CRAMP1: variants seen among roughly 807,000 people sequenced by gnomAD.
CRAMP1 encodes protein cramped-like.
Under a neutral mutation model 115.4 loss-of-function variants are expected in CRAMP1, and 50 were observed. That is an observed-to-expected ratio of 0.43 (90% CI 0.35 to 0.55). The LOEUF is 0.55. Among genes scored for constraint, CRAMP1 ranks in the 20% least tolerant of loss-of-function variants. The pLI is 0.01. For missense variants in CRAMP1, 1,679 were observed against 1,721.7 expected (o/e 0.98, Z 0.44); for synonymous variants, 866 against 745.4 (o/e 1.16, Z -2.64).
rs1006493409 is a variant in CRAMP1 at position 1,672,284 on chromosome 16, C to T, written c.3645+1475C>T. Among the ~76,000 whole-genome samples the T allele has an allele frequency of 2.6e-5, 4 of 152,152 alleles. No homozygotes were observed. Among genetic ancestry groups the T allele is most frequent in the East Asian group, 1.9e-4 (1 of 5,198 alleles). On this transcript the variant is annotated intron_variant, in intron 20 of 20. Transcript: ENST00000397412. This position sits in a 1 kb window ranked among gnomAD's most constrained non-coding sequence, Gnocchi z 4.9. ...CAGTTAGTATTTGTGAAACGCTGCC[C>T]GTCGCGAGTAATGCAAACGTGTTCA...
At position 1,671,411 on chromosome 16, in the gene CRAMP1, C is replaced by T. The variant is rs544418369; in HGVS notation, c.3645+602C>T. Among the ~76,000 whole-genome samples, 3 of 152,278 alleles carry T rather than the reference C, an allele frequency of 2.0e-5. No individual in the cohort carries two copies. The highest frequency in any genetic ancestry group is 1.3e-4 in the Admixed American group (2 of 15,300). On this transcript the variant is annotated intron_variant, in intron 20 of 20. Transcript: ENST00000397412. This position sits in a 1 kb window ranked among gnomAD's most constrained non-coding sequence, Gnocchi z 5.0. ...TCCACTTTTGACGAGATGCAGCGTC[C>T]CTCTTTGTTGGCCAGGCCATCTGGT...
chr16:1,619,169 G>A (rs545260481), intron 2 of CRAMP1, among the ~76,000 whole-genome samples: 1 of 152,146 alleles, frequency 6.6e-6, no homozygotes, highest in African/African-American at 2.4e-5. Flanking sequence ...ACAACAGCGG[G>A]GTTTTGTTTT....
At chr16:1,649,904 C>T (rs1050027918) in intron 6 of CRAMP1, among the ~76,000 whole-genome samples, 1 of 150,268 alleles carries the variant, frequency 6.7e-6, no homozygotes, top group African/African-American at 2.5e-5. Context: ...AGTGATTCTC[C>T]TGTCTCAGTC....
chr16:1,615,899 C>T (rs969345310), intron 2 of CRAMP1, among the ~76,000 whole-genome samples: 1 of 152,130 alleles, frequency 6.6e-6, no homozygotes. Flanking sequence ...GGGAAATGCT[C>T]GTTTACATTT....
intron 5 of CRAMP1, among the ~76,000 whole-genome samples, chr16:1,640,181 C>T (rs966141165): frequency 1.1e-4 from 16 of 152,092 alleles, no homozygotes; most frequent in African/African-American, 3.4e-4. Flanking sequence ...TATTTTTTTC[C>T]GTGCAGTTGT....
intron 6 of CRAMP1, among the ~76,000 whole-genome samples, chr16:1,648,787 G>T (rs568257328): frequency 2.0e-5 from 3 of 150,888 alleles, no homozygotes; most frequent in African/African-American, 7.3e-5. Flanking sequence ...GGCCGGGCGC[G>T]GTGGCTCACG....
rs181423102 is a variant in CRAMP1 at position 1,632,396 on chromosome 16, G to C, written c.694+31G>C. 53 of 1,559,496 alleles carry C rather than the reference G, an allele frequency of 3.4e-5. 1 individual carries two copies. The highest frequency in any genetic ancestry group is 1.9e-4 in the South Asian group (16 of 84,646). ...TGTGCCACGGGCCAGGCTCGGGGGT[G>C]CCCACAGGCAGGGCCGGCTTCTGCT... On this transcript the variant is annotated intron_variant, in intron 4 of 20. Coordinates refer to ENST00000397412, the MANE Select transcript of CRAMP1 (RefSeq NM_020825.4).
At position 1,644,663 on chromosome 16, in the gene CRAMP1, G is replaced by C. The variant is rs1212477977; in HGVS notation, c.827+3476G>C. ...AAAGGAAGGTGGGAAGGAGGAACTGGGTCATGGAAGCCTCAGGAGGGGAGG... is the reference window on the plus strand; with the variant it reads ...AAAGGAAGGTGGGAAGGAGGAACTGCGTCATGGAAGCCTCAGGAGGGGAGG... On this transcript the variant is annotated intron_variant, in intron 6 of 20. Transcript: ENST00000397412. Among the ~76,000 whole-genome samples, 12 of 152,150 alleles carry C rather than the reference G, an allele frequency of 7.9e-5. No individual in the cohort carries two copies. In the East Asian group the frequency reaches 2.3e-3, roughly 29 times the overall value.
Position 1,646,254 on chromosome 16 carries a change from C to T in CRAMP1, c.827+5067C>T, listed in dbSNP as rs959902891. Among the ~76,000 whole-genome samples, 6 of 152,122 alleles carry T rather than the reference C, an allele frequency of 3.9e-5. No homozygotes were observed. The South Asian group carries it at 6.2e-4, about 16-fold the overall frequency. On this transcript the variant is annotated intron_variant, in intron 6 of 20. Transcript: ENST00000397412. ...CTTTGCCTCCAGGTTTTTGTGTGAG[C>T]GTGGTTTTCGGTCCCCAGGAGGAGG...
In CRAMP1 at chr16:1,619,176, T is replaced by TTTTTTG. The variant is rs1165807256; in HGVS notation, c.346+4202_346+4207dup. Among the ~76,000 whole-genome samples the TTTTTTG allele has an allele frequency of 2.6e-5, 4 of 152,230 alleles. No homozygotes were observed. The East Asian group carries it at 7.7e-4, about 29-fold the overall frequency. On this transcript the variant is annotated intron_variant, in intron 2 of 20. Coordinates refer to ENST00000397412, the MANE Select transcript of CRAMP1 (RefSeq NM_020825.4). ...CATAAGTAACAACAGCGGGGTTTTG[T>TTTTTTG]TTTTTGTTTTTGTTTTGTTTTTGAG...
intron 6 of CRAMP1, 53 bp from the exon 7 acceptor site, chr16:1,652,443 C>T (rs886091559): frequency 2.8e-5 from 41 of 1,485,432 alleles, no homozygotes; most frequent in Non-Finnish European, 3.4e-5. Context: ...CTGGCCCTTC[C>T]GTCCTTCTGT....
intron 3 of CRAMP1, among the ~76,000 whole-genome samples, chr16:1,630,120 C>A (rs1218912330): frequency 6.6e-6 from 1 of 152,162 alleles, no homozygotes; most frequent in African/African-American, 2.4e-5. Context: ...CCCTTACCCC[C>A]CATCAGCATG....
chr16:1,621,912 C>T (rs1218997290), intron 2 of CRAMP1, among the ~76,000 whole-genome samples: 1 of 152,154 alleles, frequency 6.6e-6, no homozygotes, highest in Non-Finnish European at 1.5e-5. Context: ...GTTTTGTTTA[C>T]ATCATCTTAC....
chr16:1,614,295 C>A lies in CRAMP1; in HGVS notation c.-1-344C>A, dbSNP rs891640263. Among the ~76,000 whole-genome samples, 1 of 146,058 alleles carries A rather than the reference C, an allele frequency of 6.8e-6. No homozygotes were observed. Among genetic ancestry groups the A allele is most frequent in the East Asian group, 2.0e-4 (1 of 4,986 alleles). On this transcript the variant is annotated intron_variant, in intron 1 of 20. Transcript: ENST00000397412. This position sits in a 1 kb window ranked among gnomAD's most constrained non-coding sequence, Gnocchi z 4.4. ...ACCGTGCCCAGACCCGCGCCCGCGCCGGGGCTCCCATAGACCCCGGGGCCG... is the reference window on the plus strand; with the variant it reads ...ACCGTGCCCAGACCCGCGCCCGCGCAGGGGCTCCCATAGACCCCGGGGCCG...
chr16:1,636,331 A>G (rs1596486591), intron 4 of CRAMP1, among the ~76,000 whole-genome samples: 1 of 151,798 alleles, frequency 6.6e-6, no homozygotes, highest in Non-Finnish European at 1.5e-5. Context: ...AGATCGCGTC[A>G]CCGCACTCCA....
At chr16:1,651,361 G>A (rs776989686) in intron 6 of CRAMP1, among the ~76,000 whole-genome samples, 1 of 145,086 alleles carries the variant, frequency 6.9e-6, no homozygotes, top group Non-Finnish European at 1.5e-5. Flanking sequence ...TTTAGGTCAC[G>A]CACAGGTCAC....
In CRAMP1 at chr16:1,637,906, C is replaced by T; in HGVS notation, c.777C>T (p.Gly259=). 6.6e-7 allele frequency: 1 copy of T among 1,525,402 alleles called. No homozygotes were observed. Among genetic ancestry groups the T allele is most frequent in the Non-Finnish European group, 8.8e-7 (1 of 1,132,282 alleles). The allele number at this position is 1,525,402 out of a possible 1,614,324, so 94.5% of individuals were successfully genotyped here. A position where few individuals can be genotyped will look rare whatever the true frequency, so the allele number is the denominator to read the frequency against. The part of the protein sequence containing the change: ...CYGELRKKIG[G]CMDDKNATKL... ...GCGAGCTGCGCAAGAAGATTGGGGGCTGTGAGTACGCTGACTGTGGGGTTG... is the reference window on the plus strand; with the variant it reads ...GCGAGCTGCGCAAGAAGATTGGGGGTTGTGAGTACGCTGACTGTGGGGTTG... The change falls in exon 5 of 21, where the codon GGC becomes GGT. Residue 259 remains glycine, a splice_region_variant and synonymous_variant. Transcript: ENST00000397412.
chr16:1,646,063 G>C (rs893292625), intron 6 of CRAMP1, among the ~76,000 whole-genome samples: 1 of 152,188 alleles, frequency 6.6e-6, no homozygotes, highest in Non-Finnish European at 1.5e-5. Context: ...CCACTCAGCA[G>C]TATGCCCTCG....
intron 7 of CRAMP1, 135 bp downstream of exon 7, chr16:1,652,716 G>A: frequency 1.3e-6 from 1 of 786,006 alleles, no homozygotes; most frequent in Non-Finnish European, 2.1e-6. Flanking sequence ...GCTGCACATG[G>A]ACCACTCTTG....
Sources: allele counts gnomAD v4.1 joint callset (sites outside exome capture counted in the v4.1 genomes callset), GRCh38; gene constraint gnomAD v4.1.1; non-coding constraint Gnocchi (gnomAD v3.1); transcripts MANE v1.5; gene names NCBI Gene and HGNC (gene_info 2026-07-23, HGNC 2026-07-21).